The following MICU2 variants were observed in gnomAD, a reference collection of about 807,000 sequenced individuals.
MICU2 encodes the protein calcium uptake protein 2, mitochondrial.
A neutral mutation model predicts 60.4 loss-of-function variants in MICU2; 64 were observed. That is an observed-to-expected ratio of 1.06 (90% CI 0.87 to 1.31). MICU2 has a LOEUF of 1.31. Among genes scored for constraint, MICU2 ranks in the 50% most tolerant of loss-of-function variants. The pLI is 0.00. For missense variants in MICU2, 569 were observed against 531.0 expected, an observed-to-expected ratio of 1.07 and a Z score of -0.70; for synonymous variants, 201 against 175.0, an observed-to-expected ratio of 1.15 and a Z score of -1.17.
chr13:21,590,392 A>T (rs1888553083), intron 1 of MICU2, among the ~76,000 whole-genome samples: 1 of 152,234 alleles, frequency 6.6e-6, no homozygotes, highest in African/African-American at 2.4e-5. Flanking sequence ...CAAGCAAATG[A>T]TGAGTGATTT....
At chr13:21,525,011 C>A (rs574793153) in intron 4 of MICU2, among the ~76,000 whole-genome samples, 66 of 152,186 alleles carry the variant, frequency 4.3e-4, no homozygotes, top group African/African-American at 1.5e-3. Context: ...TTTTGTTTAT[C>A]CACTCACCTG....
At chr13:21,573,083 G>A (rs568865127) in intron 1 of MICU2, among the ~76,000 whole-genome samples, 4 of 152,120 alleles carry the variant, frequency 2.6e-5, no homozygotes, top group East Asian at 1.9e-4. Context: ...AAAGTACTTC[G>A]TAGAATGTAT....
At chr13:21,548,085 A>G (rs945536592) in intron 2 of MICU2, among the ~76,000 whole-genome samples, 2 of 152,240 alleles carry the variant, frequency 1.3e-5, no homozygotes, top group Non-Finnish European at 2.9e-5. Context: ...GGAACCAATT[A>G]AATAAATTAT....
At chr13:21,494,081 T>C (rs1885929614) in intron 11 of MICU2, among the ~76,000 whole-genome samples, 1 of 152,150 alleles carries the variant, frequency 6.6e-6, no homozygotes, top group Non-Finnish European at 1.5e-5. Context: ...CCAGGTACAC[T>C]CAATTGTGAA....
chr13:21,528,211 T>C (rs1886902959), intron 4 of MICU2, among the ~76,000 whole-genome samples: 1 of 152,168 alleles, frequency 6.6e-6, no homozygotes, highest in South Asian at 2.1e-4. Context: ...CTAGTTACGA[T>C]AGAGTATAAA....
intron 8 of MICU2, among the ~76,000 whole-genome samples, chr13:21,507,243 G>A (rs908108812): frequency 6.6e-6 from 1 of 152,124 alleles, no homozygotes; most frequent in African/African-American, 2.4e-5. Flanking sequence ...TTTAAAGTAA[G>A]AATTCTAAAC....
At chr13:21,563,268 A>G (rs547043428) in intron 2 of MICU2, among the ~76,000 whole-genome samples, 10 of 152,218 alleles carry the variant, frequency 6.6e-5, no homozygotes, top group African/African-American at 2.4e-4. Context: ...ATCCTGGCTA[A>G]CACGGTGAAA....
At chr13:21,526,778 C>G (rs1886867395) in intron 4 of MICU2, among the ~76,000 whole-genome samples, 1 of 150,440 alleles carries the variant, frequency 6.6e-6, no homozygotes, top group South Asian at 2.1e-4. Flanking sequence ...AAGTGATTGT[C>G]TGAAATAATG....
rs146370195 is a variant in MICU2, at chr13:21,598,406, T to C, written c.210+5533A>G. 4.3e-4 allele frequency among the ~76,000 whole-genome samples: 65 copies of C among 152,286 alleles called. No homozygotes were observed. The East Asian group carries it at 9.8e-3, about 23-fold the overall frequency. ...TACTTTTCTTCCCCAGTTTTGGGCA[T>C]TATTACAATGACTTAAAATAGTAAT... On this transcript the variant is annotated intron_variant, in intron 1 of 11. Coordinates refer to ENST00000382374, the MANE Select transcript of MICU2 (RefSeq NM_152726.3).
chr13:21,493,742 AC>A (rs1885920242), intron 11 of MICU2, among the ~76,000 whole-genome samples: 3 of 152,012 alleles, frequency 2.0e-5, no homozygotes, highest in Admixed American at 1.3e-4. Flanking sequence ...TATGTAGAAT[AC>A]AATTATAAGC....
At chr13:21,500,453 CAG>C (rs1188233357) in intron 9 of MICU2, among the ~76,000 whole-genome samples, 12 of 122,160 alleles carry the variant, frequency 9.8e-5, no homozygotes, top group African/African-American at 3.0e-4. Context: ...TTTTTTGAGA[CAG>C]AGTCTCACTG....
At chr13:21,515,390 T>A (rs1003857706) in intron 6 of MICU2, 51 of 218,396 alleles carry the variant, frequency 2.3e-4, no homozygotes, top group Non-Finnish European at 3.1e-4. Flanking sequence ...CCTATAGTTT[T>A]AAAAAAGCTA....
chr13:21,604,094 G>A lies in MICU2; in HGVS notation c.55C>T (p.Arg19Ter), dbSNP rs534619640. ...ARVAAWGGKL[R>*]RGLAVSRQAV... ...TGTCGGCTGACAGCGAGCCCCCGTCGCAGTTTTCCGCCCCAGGCCGCCACC... is the reference window on the plus strand; with the variant it reads ...TGTCGGCTGACAGCGAGCCCCCGTCACAGTTTTCCGCCCCAGGCCGCCACC... Residue 19 changes from arginine to a stop codon, truncating the protein, a stop_gained, in exon 1 of 12, where the codon CGA (arginine) becomes TGA (stop). Coordinates refer to ENST00000382374, the MANE Select transcript of MICU2 (RefSeq NM_152726.3). LOFTEE classifies it high-confidence loss of function. 11 of 1,591,432 alleles carry A rather than the reference G, an allele frequency of 6.9e-6. No homozygotes were observed. The African/African-American group carries it at 8.2e-5, about 12-fold the overall frequency.
intron 1 of MICU2, among the ~76,000 whole-genome samples, chr13:21,599,599 T>C (rs1268196721): frequency 6.6e-6 from 1 of 152,230 alleles, no homozygotes; most frequent in Non-Finnish European, 1.5e-5. Flanking sequence ...AACAACACCA[T>C]ACATAGACTT....
Position 21,495,275 on chromosome 13 carries a change from G to A in MICU2, c.1086C>T (p.Leu362=), listed in dbSNP as rs774448795. ...AGACAGTGTCCAAAATATTGTTTGA[G>A]AGTTCTTGTCCTGTTGCTACTTTCA... ...RAVKVATGQE[L]SNNILDTVFK... is the part of the protein sequence containing the mutation. Residue 362 remains leucine (L), a synonymous_variant, in exon 11 of 12, where the codon CTC becomes CTT. Coordinates refer to ENST00000382374, the MANE Select transcript of MICU2 (RefSeq NM_152726.3). The A allele has an allele frequency of 1.2e-6, 2 of 1,612,378 alleles. No homozygotes were observed. Among genetic ancestry groups the A allele is most frequent in the Non-Finnish European group, 1.7e-6 (2 of 1,179,144 alleles).
At position 21,512,026 on chromosome 13, in the gene MICU2, G is replaced by A. The variant is rs539754129; in HGVS notation, c.664-1925C>T. On this transcript the variant is annotated intron_variant, in intron 7 of 11. Transcript: ENST00000382374. The stretch of plus-strand genomic sequence containing the variant: ...GAACATGTGTGTACAGGTTTTGTAC[G>A]AACAATCCCAGGAGCACAATCACTA... Among the ~76,000 whole-genome samples the A allele has an allele frequency of 3.9e-5, 6 of 152,298 alleles. No homozygotes were observed. The East Asian group carries it at 9.6e-4, about 24-fold the overall frequency.
chr13:21,517,787 A>G (rs1294583150), intron 6 of MICU2, among the ~76,000 whole-genome samples: 1 of 95,094 alleles, frequency 1.1e-5, no homozygotes, highest in Non-Finnish European at 2.4e-5. Flanking sequence ...ACACACACAC[A>G]CACACACACA....
chr13:21,511,291 C>CT (rs1041221696), intron 7 of MICU2, among the ~76,000 whole-genome samples: 1 of 152,154 alleles, frequency 6.6e-6, no homozygotes, highest in Non-Finnish European at 1.5e-5. Flanking sequence ...ATCATTTGTG[C>CT]TCTACCAGAG....
In MICU2 at chr13:21,495,191, C is replaced by T. The variant is rs779477369; in HGVS notation, c.1170G>A (p.Val390=). ...AACCTCGATGCATTCTGTTTTTTAACACCCCAAGAAACTCTTCATGACTAA... is the reference window on the plus strand; with the variant it reads ...AACCTCGATGCATTCTGTTTTTTAATACCCCAAGAAACTCTTCATGACTAA... ...ECLSHEEFLG[V]LKNRMHRGLW... The change falls in exon 11 of 12, where the codon GTG becomes GTA. Residue 390 remains valine (V), a synonymous_variant. Coordinates refer to ENST00000382374, the MANE Select transcript of MICU2 (RefSeq NM_152726.3). 7 of 1,607,602 alleles carry T rather than the reference C, an allele frequency of 4.4e-6. No homozygotes were observed. The highest frequency in any genetic ancestry group is 5.1e-6 in the Non-Finnish European group (6 of 1,177,548).
Sources: gnomAD v4.1 joint callset for allele counts (sites outside exome capture counted in the v4.1 genomes callset) on GRCh38, gnomAD v4.1.1 for gene constraint, MANE v1.5 for transcripts, NCBI Gene and HGNC (gene_info 2026-07-23, HGNC 2026-07-21) for gene names.